Variants in ARHGAP11A observed in about 807,000 individuals in gnomAD.
ARHGAP11A encodes the protein rho GTPase-activating protein 11A.
ARHGAP11A carries 36 observed loss-of-function variants against 60.5 expected under a neutral mutation model. That is an observed-to-expected ratio of 0.59 (90% CI 0.46 to 0.79). ARHGAP11A has a LOEUF of 0.79. Ranked by LOEUF, ARHGAP11A falls within the 30% of genes least tolerant of loss-of-function variation. The pLI, the probability that ARHGAP11A is intolerant of heterozygous loss-of-function variation, is 0.00. For missense variants in ARHGAP11A, 1,071 were observed against 1,199.2 expected (o/e 0.89, Z 1.58); for synonymous variants, 362 against 415.5 (o/e 0.87, Z 1.57).
Position 32,638,725 on chromosome 15 carries a change from A to T in ARHGAP11A, c.*880A>T, listed in dbSNP as rs1175481721. ...CTAAGAACAATGGTTAAGGCAGAATAATGACTAAAATATGTTCATATATTA... is the reference window on the plus strand; with the variant it reads ...CTAAGAACAATGGTTAAGGCAGAATTATGACTAAAATATGTTCATATATTA... On this transcript the variant is annotated 3_prime_UTR_variant, in exon 12 of 12. Coordinates refer to ENST00000361627, the MANE Select transcript of ARHGAP11A (RefSeq NM_014783.6). 1 of 152,660 alleles carries T rather than the reference A, an allele frequency of 6.6e-6. No homozygotes were observed. The highest frequency in any genetic ancestry group is 2.4e-5 in the African/African-American group (1 of 41,456). The allele number at this position is 152,660 out of a possible 1,614,324, so 9.5% of individuals were successfully genotyped here.
At chr15:32,621,218 T>G (rs1212780321) in intron 2 of ARHGAP11A, among the ~76,000 whole-genome samples, 1 of 143,034 alleles carries the variant, frequency 7.0e-6, no homozygotes, top group Non-Finnish European at 1.5e-5. Context: ...AGACAAGAGT[T>G]TCACTCTTGT....
chr15:32,635,923 T>G lies in ARHGAP11A; in HGVS notation c.1483+8T>G. ...AAAAGTTACCAAAGAAAGGTACATT[T>G]ACATACTACTGTTAGAGTTTTACCT... On this transcript the variant is annotated splice_region_variant and intron_variant, in intron 11 of 11. Transcript: ENST00000361627. 1 of 1,597,676 alleles carries G rather than the reference T, an allele frequency of 6.3e-7. No individual in the cohort carries two copies. Among genetic ancestry groups the G allele is most frequent in the Non-Finnish European group, 8.5e-7 (1 of 1,174,132 alleles).
intron 6 of ARHGAP11A, among the ~76,000 whole-genome samples, chr15:32,627,486 T>C (rs972955241): frequency 1.6e-3 from 245 of 151,734 alleles, no homozygotes; most frequent in African/African-American, 4.0e-3. Flanking sequence ...TTCCAGCACT[T>C]TGGGAGGCCA....
At chr15:32,631,636 C>T (rs2053587528) in intron 8 of ARHGAP11A, among the ~76,000 whole-genome samples, 1 of 152,130 alleles carries the variant, frequency 6.6e-6, no homozygotes, top group Non-Finnish European at 1.5e-5. Flanking sequence ...TTGCATTGTT[C>T]CATATATTCT....
chr15:32,627,203 A>G (rs1303335638), intron 6 of ARHGAP11A, among the ~76,000 whole-genome samples: 1 of 151,458 alleles, frequency 6.6e-6, no homozygotes, highest in Non-Finnish European at 1.5e-5. Context: ...TGCTAGGGAG[A>G]CCTCATCACA....
In ARHGAP11A at chr15:32,621,893, C is replaced by A. The variant is rs924220955; in HGVS notation, c.201-1599C>A. 3.9e-5 allele frequency among the ~76,000 whole-genome samples: 6 copies of A among 152,344 alleles called. No homozygotes were observed. In the East Asian group the frequency reaches 9.6e-4, roughly 24 times the overall value. On this transcript the variant is annotated intron_variant, in intron 2 of 11. Coordinates refer to ENST00000361627, the MANE Select transcript of ARHGAP11A (RefSeq NM_014783.6). The stretch of plus-strand genomic sequence containing the variant: ...CATATGGTGAAACTTATCCTTAATT[C>A]ATTTCCCCTCCATCTAAAGTAGGGT...
At chr15:32,627,952 G>C (rs1386960405) in intron 6 of ARHGAP11A, among the ~76,000 whole-genome samples, 1 of 151,788 alleles carries the variant, frequency 6.6e-6, no homozygotes, top group Non-Finnish European at 1.5e-5. Flanking sequence ...TGGGATTACA[G>C]GTGCACGCTA....
At chr15:32,617,636 T>C (rs574952242) in intron 1 of ARHGAP11A, among the ~76,000 whole-genome samples, 13 of 152,186 alleles carry the variant, frequency 8.5e-5, no homozygotes, top group Admixed American at 2.6e-4. Flanking sequence ...CACACCTGGC[T>C]AATTTTTTGT....
At chr15:32,618,908 G>A (rs568492312) in intron 1 of ARHGAP11A, among the ~76,000 whole-genome samples, 3 of 152,198 alleles carry the variant, frequency 2.0e-5, no homozygotes, top group African/African-American at 7.2e-5. Context: ...CCGAGATTGC[G>A]CCACTGCACT....
chr15:32,632,429 G>A lies in ARHGAP11A; in HGVS notation c.1106-550G>A, dbSNP rs74315704. Among the ~76,000 whole-genome samples, 155 of 152,296 alleles carry A rather than the reference G, an allele frequency of 1.0e-3. No homozygotes were observed. In the East Asian group the frequency reaches 0.025, roughly 25 times the overall value. On this transcript the variant is annotated intron_variant, in intron 8 of 11. Coordinates refer to ENST00000361627, the MANE Select transcript of ARHGAP11A (RefSeq NM_014783.6). ...TTTTTGTTTACTTGCCAAAAATATT[G>A]AACAAATTACATTCCGGAGTCAGGT...
rs2053426584 is a variant in ARHGAP11A, at chr15:32,625,085, G to C, written c.557G>C (p.Ser186Thr). The change falls in exon 5 of 12, where the codon AGT becomes ACT. Residue 186 changes from serine (S) to threonine (T), a missense_variant. Physicochemically the swap from Ser to Thr is moderately conservative, Grantham distance 58 (BLOSUM62 1). Transcript: ENST00000361627. Reference sequence around the variant, plus strand: ...AAAGCGTTTATTCACTTAAGATCCAGTGAGAATAAGATGGACAGCAGCAAT... The same window carrying C: ...AAAGCGTTTATTCACTTAAGATCCACTGAGAATAAGATGGACAGCAGCAAT... ...NFLRNVSLRS[S>T]ENKMDSSNLA... 1 of 1,613,842 alleles carries C rather than the reference G, an allele frequency of 6.2e-7. No homozygotes were observed. The highest frequency in any genetic ancestry group is 8.5e-7 in the Non-Finnish European group (1 of 1,179,806).
intron 2 of ARHGAP11A, among the ~76,000 whole-genome samples, chr15:32,621,006 G>A (rs1414307125): frequency 1.3e-5 from 2 of 151,976 alleles, no homozygotes; most frequent in Admixed American, 6.6e-5. Flanking sequence ...GGAGTTTGAG[G>A]CTGCAGTGAG....
rs749476119 is a variant in ARHGAP11A, at chr15:32,635,819, C to T, written c.1387C>T (p.Arg463Ter). Residue 463 changes from arginine to a stop codon, truncating the protein, a stop_gained, in exon 11 of 12, where the codon CGA (arginine) becomes TGA (stop). Transcript: ENST00000361627. LOFTEE classifies it high-confidence loss of function. Reference protein sequence around the residue: ...GVNRYESVGWRLANQQSLKNR... With the variant: ...GVNRYESVGW ...CAATAGATATGAAAGTGTTGGTTGG[C>T]GACTTGCAAATCAACAAAGTTTAAA... The T allele has an allele frequency of 1.4e-5, 22 of 1,608,836 alleles. No individual in the cohort carries two copies. The Admixed American group carries it at 2.4e-4, about 17-fold the overall frequency.
chr15:32,620,388 G>A (rs2053267864), intron 2 of ARHGAP11A, among the ~76,000 whole-genome samples: 1 of 152,110 alleles, frequency 6.6e-6, no homozygotes, highest in South Asian at 2.1e-4. Context: ...GGGGTGGGAG[G>A]ATTGCTTGAG....
chr15:32,620,839 G>A (rs1034837979), intron 2 of ARHGAP11A, among the ~76,000 whole-genome samples: 10 of 152,064 alleles, frequency 6.6e-5, no homozygotes, highest in African/African-American at 2.4e-4. Context: ...GCCGAGGCAG[G>A]AGGATCGCTT....
Position 32,637,753 on chromosome 15 carries a change from T to A in ARHGAP11A, c.2980T>A (p.Ser994Thr). 1 of 1,614,116 alleles carries A rather than the reference T, an allele frequency of 6.2e-7. No individual in the cohort carries two copies. The highest frequency in any genetic ancestry group is 8.5e-7 in the Non-Finnish European group (1 of 1,180,006). Residue 994 changes from serine to threonine, a missense_variant, in exon 12 of 12, where the codon TCA becomes ACA. Ser to Thr is a moderately conservative substitution (Grantham distance 58). Coordinates refer to ENST00000361627, the MANE Select transcript of ARHGAP11A (RefSeq NM_014783.6). ...GINNRVLRRPSERGRAWYKGS... is the reference protein window; with the variant it reads ...GINNRVLRRPTERGRAWYKGS... Reference sequence around the variant, plus strand: ...AAATAACAGGGTCCTTAGGAGACCATCAGAAAGAGGAAGGGCCTGGTACAA... The same window carrying A: ...AAATAACAGGGTCCTTAGGAGACCAACAGAAAGAGGAAGGGCCTGGTACAA...
In ARHGAP11A at chr15:32,616,277, G is replaced by A; in HGVS notation, c.66G>A (p.Lys22=). Residue 22 remains lysine, a synonymous_variant, in exon 1 of 12, where the codon AAG becomes AAA. Coordinates refer to ENST00000361627, the MANE Select transcript of ARHGAP11A (RefSeq NM_014783.6). ...ATCTGCGGGCCTTCTATGGTATTAA[G>A]GTGAAGGGTGTCCGTGGGCAGTGCG... is the stretch of plus-strand genomic sequence containing the variant. ...LQHLRAFYGI[K]VKGVRGQCDR... is the part of the protein sequence containing the mutation. 1 of 1,614,110 alleles carries A rather than the reference G, an allele frequency of 6.2e-7. No homozygotes were observed.
intron 10 of ARHGAP11A, among the ~76,000 whole-genome samples, chr15:32,634,420 T>G (rs2053657601): frequency 6.6e-6 from 1 of 152,264 alleles, no homozygotes; most frequent in Non-Finnish European, 1.5e-5. Context: ...AATGCTCCAG[T>G]GAGCATTTTC....
intron 6 of ARHGAP11A, among the ~76,000 whole-genome samples, chr15:32,628,436 CAT>C (rs976103761): frequency 1.3e-5 from 2 of 152,130 alleles, no homozygotes; most frequent in African/African-American, 4.8e-5. Flanking sequence ...TTTGCCTTAA[CAT>C]GTAATGATTT....
Sources: allele counts gnomAD v4.1 joint callset (sites outside exome capture counted in the v4.1 genomes callset), GRCh38; gene constraint gnomAD v4.1.1; transcripts MANE v1.5; gene names NCBI Gene and HGNC (gene_info 2026-07-23, HGNC 2026-07-21).